INTS10: variants seen among roughly 807,000 people sequenced by gnomAD.
The protein encoded by INTS10 is chromosome 8 open reading frame 35.
INTS10 carries 44 observed loss-of-function variants against 94.4 expected under a neutral mutation model. The observed-to-expected ratio is 0.47, with a 90% CI of 0.37 to 0.60. The LOEUF is 0.60. Among genes scored for constraint, INTS10 ranks in the 20% least tolerant of loss-of-function variants. INTS10 has a pLI of 0.00. For missense variants in INTS10, 797 were observed against 868.7 expected (o/e 0.92, Z 1.04); for synonymous variants, 341 against 320.7 (o/e 1.06, Z -0.68).
At position 19,849,118 on chromosome 8, in the gene INTS10, G is replaced by C. The variant is rs982502289; in HGVS notation, c.1977-2531G>C. ...GTGTTGTTTTTGCAGTGCAGGGTGA[G>C]TCGGTGTGGGTGTTTGAATGCTGCT... On this transcript the variant is annotated intron_variant, in intron 16 of 16. Coordinates refer to ENST00000397977, the MANE Select transcript of INTS10 (RefSeq NM_018142.4). The surrounding 1 kb of genome is among the most constrained non-coding windows in gnomAD (Gnocchi z 4.6). 10 of 959,698 alleles carry C rather than the reference G, an allele frequency of 1.0e-5. No individual in the cohort carries two copies. Among genetic ancestry groups the C allele is most frequent in the Non-Finnish European group, 1.5e-5 (10 of 687,908 alleles). The allele number at this position is 959,698 out of a possible 1,614,324, so 59.4% of individuals were successfully genotyped here. A position where few individuals can be genotyped will look rare whatever the true frequency, so the allele number is the denominator to read the frequency against.
At chr8:19,819,982 A>G (rs577363145) in intron 3 of INTS10, among the ~76,000 whole-genome samples, 1 of 152,358 alleles carries the variant, frequency 6.6e-6, no homozygotes, top group Admixed American at 6.5e-5. Flanking sequence ...AGCTTTTAGT[A>G]ATTTAGAAGC....
intron 5 of INTS10, 29 bp downstream of exon 5, chr8:19,822,549 C>T: frequency 7.4e-7 from 1 of 1,348,954 alleles, no homozygotes; most frequent in Non-Finnish European, 1.1e-6. Flanking sequence ...TCTATTACTT[C>T]TATGGTAAAT....
intron 9 of INTS10, among the ~76,000 whole-genome samples, chr8:19,826,945 G>A (rs1287489806): frequency 6.6e-6 from 1 of 152,218 alleles, no homozygotes; most frequent in Non-Finnish European, 1.5e-5. Context: ...GACCTCTAGA[G>A]CAGGGTGCAG....
intron 13 of INTS10, among the ~76,000 whole-genome samples, chr8:19,840,394 A>C (rs1369641551): frequency 6.6e-6 from 1 of 152,342 alleles, no homozygotes; most frequent in African/African-American, 2.4e-5. Flanking sequence ...GCAAAATTAC[A>C]GCAGACTTTA....
At chr8:19,841,935 G>T in intron 13 of INTS10, 2 of 428,006 alleles carry the variant, frequency 4.7e-6, no homozygotes, top group East Asian at 7.2e-5. Flanking sequence ...TGCACCTTTT[G>T]TTTTGGATCT....
intron 13 of INTS10, among the ~76,000 whole-genome samples, chr8:19,839,451 G>T (rs369838380): frequency 1.3e-5 from 2 of 152,118 alleles, no homozygotes; most frequent in African/African-American, 4.8e-5. Context: ...TGTAATCCCC[G>T]CACTTTGAGA....
rs191902360 is a variant in INTS10 at position 19,825,868 on chromosome 8, C to G, written c.1007-558C>G. 1.4e-3 allele frequency among the ~76,000 whole-genome samples: 210 copies of G among 152,214 alleles called. 1 individual carries two copies. The highest frequency in any genetic ancestry group is 4.9e-3 in the African/African-American group (203 of 41,542). On this transcript the variant is annotated intron_variant, in intron 8 of 16. Coordinates refer to ENST00000397977, the MANE Select transcript of INTS10 (RefSeq NM_018142.4). ...AAAAAGTGCAGATACATAACAAATACAAAGAAGGAACCGTCACTTGTATTC... is the reference window on the plus strand; with the variant it reads ...AAAAAGTGCAGATACATAACAAATAGAAAGAAGGAACCGTCACTTGTATTC...
At chr8:19,825,619 T>C (rs1394681523) in intron 8 of INTS10, among the ~76,000 whole-genome samples, 1 of 151,992 alleles carries the variant, frequency 6.6e-6, no homozygotes, top group African/African-American at 2.4e-5. Flanking sequence ...TAGTAAAATA[T>C]CCATTTTATA....
chr8:19,826,403 T>G, intron 8 of INTS10, 23 bp from the exon 9 acceptor site: 1 of 1,600,434 alleles, frequency 6.2e-7, no homozygotes, highest in Non-Finnish European at 8.5e-7. Context: ...CTGGTAAGTG[T>G]TGGTGTTTTT....
intron 10 of INTS10, 132 bp downstream of exon 10, chr8:19,830,691 G>A: frequency 1.2e-6 from 1 of 856,298 alleles, no homozygotes; most frequent in Non-Finnish European, 1.8e-6. Context: ...CTTGTTTTGA[G>A]ACGGAGTCTC....
Position 19,842,850 on chromosome 8 carries a change from T to A in INTS10, c.1642T>A (p.Ser548Thr). The change falls in exon 14 of 17, where the codon TCG (serine) becomes ACG (threonine). Residue 548 changes from serine to threonine, a missense_variant and splice_region_variant. Ser to Thr is a moderately conservative substitution (Grantham distance 58). This residue lies in a region of INTS10 where 734 missense variants were observed against 787.8 expected (regional missense o/e 0.93). Transcript: ENST00000397977. ...SKVKPKFRKG[S>T]DLKLLPCTSK... Reference sequence around the variant, plus strand: ...CTAACATTGTGGACTTCTGTTAGGTTCGGATCTGAAGCTCCTGCCTTGTAC... The same window carrying A: ...CTAACATTGTGGACTTCTGTTAGGTACGGATCTGAAGCTCCTGCCTTGTAC... 6.2e-7 allele frequency: 1 copy of A among 1,609,574 alleles called. No homozygotes were observed. Among genetic ancestry groups the A allele is most frequent in the Non-Finnish European group, 8.5e-7 (1 of 1,175,962 alleles).
At position 19,817,770 on chromosome 8, in the gene INTS10, C is replaced by G. The variant is rs1375758246; in HGVS notation, c.129+104C>G. ...TGCGCCTGCCTGGGGGCTGCCGCCTCCTGCCCGGCCCCCTGCTTTCTCCCC... is the reference window on the plus strand; with the variant it reads ...TGCGCCTGCCTGGGGGCTGCCGCCTGCTGCCCGGCCCCCTGCTTTCTCCCC... On this transcript the variant is annotated intron_variant, in intron 1 of 16. Transcript: ENST00000397977. 16 of 1,418,936 alleles carry G rather than the reference C, an allele frequency of 1.1e-5. No homozygotes were observed. The Admixed American group carries it at 3.1e-4, about 28-fold the overall frequency. The allele number at this position is 1,418,936 out of a possible 1,614,324, so 87.9% of individuals were successfully genotyped here.
At position 19,823,332 on chromosome 8, in the gene INTS10, C is replaced by T; in HGVS notation, c.555C>T (p.Asn185=). 1 of 1,607,444 alleles carries T rather than the reference C, an allele frequency of 6.2e-7. No homozygotes were observed. The highest frequency in any genetic ancestry group is 1.1e-5 in the South Asian group (1 of 90,916). The change falls in exon 6 of 17, where the codon AAC becomes AAT. Residue 185 remains asparagine (N), a synonymous_variant. Coordinates refer to ENST00000397977, the MANE Select transcript of INTS10 (RefSeq NM_018142.4). Reference sequence around the variant, plus strand: ...ATGTCCTTCCTCTAATAATTAACAACCATGATGTTCGATTACCTGCCAATT... The same window carrying T: ...ATGTCCTTCCTCTAATAATTAACAATCATGATGTTCGATTACCTGCCAATT... ...VCDVLPLIIN[N]HDVRLPANLL...
chr8:19,844,307 G>T, intron 15 of INTS10, 69 bp downstream of exon 15: 1 of 1,142,686 alleles, frequency 8.8e-7, no homozygotes, highest in Non-Finnish European at 1.3e-6. Context: ...GATAGAAAAA[G>T]AATGAACCAT....
chr8:19,818,402 C>G, intron 2 of INTS10, 60 bp downstream of exon 2: 1 of 1,540,052 alleles, frequency 6.5e-7, no homozygotes, highest in Non-Finnish European at 9.0e-7. Flanking sequence ...GGTTTTGTTT[C>G]TCTCTGCAGA....
intron 2 of INTS10, 60 bp from the exon 3 acceptor site, chr8:19,819,513 T>A (rs2066200201): frequency 7.6e-7 from 1 of 1,313,672 alleles, no homozygotes; most frequent in Non-Finnish European, 1.0e-6. Flanking sequence ...CTAACGTTTT[T>A]TCTTTTGGAT....
chr8:19,832,913 T>G (rs906365439), intron 11 of INTS10, among the ~76,000 whole-genome samples: 1 of 152,158 alleles, frequency 6.6e-6, no homozygotes, highest in African/African-American at 2.4e-5. Context: ...GTTATTTTCT[T>G]TAGTCTCGAG....
intron 13 of INTS10, chr8:19,837,645 T>G (rs1415236516): frequency 6.5e-6 from 1 of 153,318 alleles, no homozygotes; most frequent in Non-Finnish European, 1.5e-5. Flanking sequence ...ATTCTGAGCT[T>G]CAGCTCAAGC....
At chr8:19,830,264 G>A (rs1273174414) in intron 9 of INTS10, 142 bp from the exon 10 acceptor site, 4 of 579,126 alleles carry the variant, frequency 6.9e-6, no homozygotes, top group African/African-American at 1.9e-5. Context: ...AAGCTAAATT[G>A]TTAAATTCAA....
Sources: allele counts gnomAD v4.1 joint callset (sites outside exome capture counted in the v4.1 genomes callset), GRCh38; gene constraint gnomAD v4.1.1; regional missense constraint gnomAD v4.1.1; non-coding constraint Gnocchi (gnomAD v3.1); transcripts MANE v1.5; gene names NCBI Gene and HGNC (gene_info 2026-07-23, HGNC 2026-07-21).